Variants in NTM observed in about 807,000 individuals in gnomAD.
The protein encoded by NTM is IgLON family member 2.
NTM carries 13 observed loss-of-function variants against 42.1 expected under a neutral mutation model. The observed-to-expected ratio is 0.31, with a 90% confidence interval of 0.20 to 0.49. The LOEUF (loss-of-function observed/expected upper bound fraction) is 0.49. NTM is among the 20% of genes least tolerant of loss of function. The probability of loss-of-function intolerance (pLI) is 0.99; values close to 1 mark genes in which losing one functional copy is unlikely to be tolerated. For missense variants in NTM, 373 were observed against 452.8 expected (o/e 0.82, Z 1.60); for synonymous variants, 187 against 179.2 (o/e 1.04, Z -0.35).
intron 1 of NTM, among the ~76,000 whole-genome samples, chr11:131,389,185 G>T (rs1270415445): frequency 3.9e-5 from 6 of 152,180 alleles, no homozygotes; most frequent in African/African-American, 1.4e-4. Flanking sequence ...GCTCTAGGAG[G>T]TTGAGCTCCC....
intron 1 of NTM, among the ~76,000 whole-genome samples, chr11:131,695,001 A>G (rs529642523): frequency 6.6e-6 from 1 of 152,256 alleles, no homozygotes; most frequent in African/African-American, 2.4e-5. Flanking sequence ...ACCTGCTGCC[A>G]CCAGAGGGCA....
chr11:132,032,494 G>A (rs985371754), intron 2 of NTM, among the ~76,000 whole-genome samples: 1 of 152,138 alleles, frequency 6.6e-6, no homozygotes, highest in Non-Finnish European at 1.5e-5. Flanking sequence ...CCAAGTCAAT[G>A]TTCAGTGATA....
intron 4 of NTM, among the ~76,000 whole-genome samples, chr11:132,230,267 T>C (rs1226914745): frequency 1.3e-5 from 2 of 152,226 alleles, no homozygotes; most frequent in African/African-American, 4.8e-5. Context: ...ACTTCTCATT[T>C]TTTAAAGTAT....
intron 1 of NTM, among the ~76,000 whole-genome samples, chr11:131,626,190 AAC>A (rs2063088125): frequency 6.6e-6 from 1 of 152,156 alleles, no homozygotes; most frequent in Non-Finnish European, 1.5e-5. Flanking sequence ...TCAATGTTCA[AAC>A]ACACATGGAG....
intron 4 of NTM, among the ~76,000 whole-genome samples, chr11:132,253,637 A>G (rs2092200693): frequency 6.6e-6 from 1 of 152,196 alleles, no homozygotes; most frequent in South Asian, 2.1e-4. Flanking sequence ...AAGTAAAATG[A>G]CTTGCTCAGG....
intron 2 of NTM, among the ~76,000 whole-genome samples, chr11:132,126,748 G>C (rs1436116179): frequency 6.6e-6 from 1 of 152,158 alleles, no homozygotes; most frequent in Non-Finnish European, 1.5e-5. Flanking sequence ...GCGAGAAGGA[G>C]GGAAGAAGCC....
rs191409635 is a variant in NTM at position 132,116,098 on chromosome 11, C to T, written c.168-30184C>T. Among the ~76,000 whole-genome samples, 206 of 152,338 alleles carry T rather than the reference C, an allele frequency of 1.4e-3. 2 individuals are homozygous for T. The highest frequency in any genetic ancestry group is 4.9e-3 in the African/African-American group (202 of 41,576). On this transcript the variant is annotated intron_variant, in intron 2 of 8. Coordinates refer to ENST00000683400, the MANE Select transcript of NTM (RefSeq NM_001352005.2). The stretch of plus-strand genomic sequence containing the variant: ...TAGGCACCGTATCAGTCAGAAACCA[C>T]TCTAGGTATAACAGTAGTTGGACTT...
At chr11:131,719,849 C>T (rs1224747669) in intron 1 of NTM, among the ~76,000 whole-genome samples, 1 of 152,198 alleles carries the variant, frequency 6.6e-6, no homozygotes, top group Non-Finnish European at 1.5e-5. Context: ...TTAGGCGAAA[C>T]TCACAAGGGT....
intron 1 of NTM, among the ~76,000 whole-genome samples, chr11:131,470,559 T>C (rs933194762): frequency 6.6e-6 from 1 of 151,702 alleles, no homozygotes; most frequent in African/African-American, 2.4e-5. Context: ...GAAAGTGAGA[T>C]AGTCCAGAGC....
chr11:132,190,565 G>A (rs1022936061), intron 3 of NTM, among the ~76,000 whole-genome samples: 10 of 151,940 alleles, frequency 6.6e-5, no homozygotes, highest in Non-Finnish European at 8.8e-5. Context: ...ATGAAACCCC[G>A]TCTCTACTAA....
At chr11:131,654,095 G>A (rs561075499) in intron 1 of NTM, among the ~76,000 whole-genome samples, 2 of 152,340 alleles carry the variant, frequency 1.3e-5, no homozygotes, top group African/African-American at 2.4e-5. Context: ...GGTGATGGTG[G>A]GAGAAGACAA....
chr11:131,529,551 C>T lies in NTM; in HGVS notation c.82+158663C>T, dbSNP rs117426852. On this transcript the variant is annotated intron_variant, in intron 1 of 8. Coordinates refer to ENST00000683400, the MANE Select transcript of NTM (RefSeq NM_001352005.2). ...GAAGGGCCACCGGAGTGTCAAGGCT[C>T]TCCAGGGAAAATGTGGGTTTCTACA... Among the ~76,000 whole-genome samples, 496 of 152,270 alleles carry T rather than the reference C, an allele frequency of 3.3e-3. 1 individual carries two copies. The highest frequency in any genetic ancestry group is 5.9e-3 in the Admixed American group (91 of 15,296).
At chr11:131,800,043 T>C (rs1339396093) in intron 1 of NTM, among the ~76,000 whole-genome samples, 1 of 152,176 alleles carries the variant, frequency 6.6e-6, no homozygotes, top group Non-Finnish European at 1.5e-5. Context: ...CCTGGTGTGG[T>C]TCTCAGCACA....
chr11:131,852,528 G>A (rs1046556073), intron 1 of NTM, among the ~76,000 whole-genome samples: 1 of 152,152 alleles, frequency 6.6e-6, no homozygotes, highest in Non-Finnish European at 1.5e-5. Context: ...AGGTAGGCTA[G>A]CAGGTGGAAT....
At chr11:131,838,068 G>C (rs1182301360) in intron 1 of NTM, among the ~76,000 whole-genome samples, 1 of 152,162 alleles carries the variant, frequency 6.6e-6, no homozygotes, top group African/African-American at 2.4e-5. Context: ...CATCTGGAAA[G>C]GAGAGGGGAT....
At chr11:132,249,396 A>T (rs924616701) in intron 4 of NTM, among the ~76,000 whole-genome samples, 4 of 152,146 alleles carry the variant, frequency 2.6e-5, no homozygotes, top group Non-Finnish European at 4.4e-5. Context: ...TCCCTGGAGA[A>T]GGCAGGGACC....
chr11:132,180,579 AAAAAC>A (rs541592587), intron 3 of NTM, among the ~76,000 whole-genome samples: 9 of 152,294 alleles, frequency 5.9e-5, no homozygotes, highest in South Asian at 2.1e-4. Context: ...AGTAAAAACA[AAAAAC>A]AAAACCAACC....
At chr11:131,629,343 C>A (rs554503922) in intron 1 of NTM, among the ~76,000 whole-genome samples, 2 of 152,238 alleles carry the variant, frequency 1.3e-5, no homozygotes, top group African/African-American at 4.8e-5. Flanking sequence ...TGGAGTCAGG[C>A]TTTGACCTGA....
intron 1 of NTM, among the ~76,000 whole-genome samples, chr11:131,763,380 C>T (rs564646752): frequency 1.2e-4 from 19 of 152,298 alleles, no homozygotes; most frequent in Middle Eastern, 3.4e-3. Context: ...CTCCACCCCA[C>T]GTGCACCCAC....
Sources: gnomAD v4.1 joint callset for allele counts (sites outside exome capture counted in the v4.1 genomes callset) on GRCh38, gnomAD v4.1.1 for gene constraint, MANE v1.5 for transcripts, NCBI Gene and HGNC (gene_info 2026-07-23, HGNC 2026-07-21) for gene names.